The following AGBL4 variants were observed in gnomAD, a reference collection of about 807,000 sequenced individuals.
The protein encoded by AGBL4 is cytosolic carboxypeptidase 6.
Under a neutral mutation model 66.4 loss-of-function variants are expected in AGBL4, and 58 were observed. The observed-to-expected ratio is 0.87, with a 90% CI of 0.71 to 1.09. AGBL4 has a LOEUF of 1.09. Among genes scored for constraint, AGBL4 ranks in the 50% least tolerant of loss-of-function variants. The pLI, the probability that AGBL4 is intolerant of heterozygous loss-of-function variation, is 0.00. For missense variants in AGBL4, 579 were observed against 631.0 expected (o/e 0.92, Z 0.88); for synonymous variants, 234 against 222.9 (o/e 1.05, Z -0.44).
intron 4 of AGBL4, among the ~76,000 whole-genome samples, chr1:49,161,458 T>A (rs534547232): frequency 6.6e-6 from 1 of 152,198 alleles, no homozygotes; most frequent in Admixed American, 6.5e-5. Flanking sequence ...TCTGCATCAA[T>A]CTCACTGGGA....
chr1:49,753,843 C>A (rs529111231), intron 2 of AGBL4, among the ~76,000 whole-genome samples: 1 of 152,282 alleles, frequency 6.6e-6, no homozygotes, highest in South Asian at 2.1e-4. Flanking sequence ...GATATCCTTT[C>A]TTCCACTTCA....
chr1:50,005,273 C>T (rs1661044350), intron 1 of AGBL4, among the ~76,000 whole-genome samples: 1 of 152,158 alleles, frequency 6.6e-6, no homozygotes. Flanking sequence ...CCTCCCTCAG[C>T]TCCAGGCATC....
At chr1:49,823,986 G>C (rs942661778) in intron 2 of AGBL4, among the ~76,000 whole-genome samples, 1 of 152,090 alleles carries the variant, frequency 6.6e-6, no homozygotes, top group African/African-American at 2.4e-5. Context: ...CGAGTTGGGT[G>C]GATCACCTGA....
chr1:49,478,449 G>A (rs1646888977), intron 3 of AGBL4, among the ~76,000 whole-genome samples: 1 of 151,962 alleles, frequency 6.6e-6, no homozygotes, highest in Admixed American at 6.6e-5. Context: ...CATATTTAAT[G>A]CTCTGAGGGA....
chr1:49,984,204 A>G (rs1233614910), intron 1 of AGBL4, among the ~76,000 whole-genome samples: 1 of 152,226 alleles, frequency 6.6e-6, no homozygotes. Flanking sequence ...TAAAACAATT[A>G]CAGCTCATCC....
At chr1:49,557,387 GA>G (rs1335823755) in intron 3 of AGBL4, among the ~76,000 whole-genome samples, 1 of 152,096 alleles carries the variant, frequency 6.6e-6, no homozygotes, top group Non-Finnish European at 1.5e-5. Context: ...TGAAGAAATA[GA>G]AAAAATAGTC....
intron 3 of AGBL4, among the ~76,000 whole-genome samples, chr1:49,695,224 T>A (rs1189456422): frequency 6.6e-6 from 1 of 152,124 alleles, no homozygotes; most frequent in African/African-American, 2.4e-5. Context: ...TTCCTTCATA[T>A]GAATTGACTA....
intron 4 of AGBL4, among the ~76,000 whole-genome samples, chr1:49,136,687 G>A (rs540330317): frequency 6.6e-6 from 1 of 152,190 alleles, no homozygotes; most frequent in African/African-American, 2.4e-5. Flanking sequence ...GAATTTGGCT[G>A]TTATGACAAA....
chr1:49,846,114 T>C, intron 2 of AGBL4: 4 of 1,505,906 alleles, frequency 2.7e-6, no homozygotes, highest in Admixed American at 1.7e-5. Context: ...CAGAGCTCCC[T>C]TCTCATCAAA....
At chr1:49,425,304 GC>G (rs1012130717) in intron 3 of AGBL4, among the ~76,000 whole-genome samples, 1 of 152,000 alleles carries the variant, frequency 6.6e-6, no homozygotes, top group African/African-American at 2.4e-5. Flanking sequence ...GACCAAATTG[GC>G]TTTTTATTCT....
intron 11 of AGBL4, among the ~76,000 whole-genome samples, chr1:48,554,054 C>G (rs562515336): frequency 6.6e-6 from 1 of 152,298 alleles, no homozygotes; most frequent in East Asian, 1.9e-4. Flanking sequence ...CAGCTGAAGT[C>G]TGGGCCATTC....
At chr1:49,738,707 C>A (rs1650126787) in intron 2 of AGBL4, among the ~76,000 whole-genome samples, 1 of 152,220 alleles carries the variant, frequency 6.6e-6, no homozygotes, top group South Asian at 2.1e-4. Context: ...TGAGACAAAA[C>A]TTCCAGAGGA....
At chr1:49,919,825 C>G (rs1462696508) in intron 1 of AGBL4, among the ~76,000 whole-genome samples, 7 of 152,332 alleles carry the variant, frequency 4.6e-5, no homozygotes, top group African/African-American at 1.7e-4. Context: ...ATCACGCTAC[C>G]TGACTTCAAA....
chr1:49,198,090 G>C (rs899358994), intron 4 of AGBL4, among the ~76,000 whole-genome samples: 1 of 151,974 alleles, frequency 6.6e-6, no homozygotes, highest in African/African-American at 2.4e-5. Context: ...CCAGGGATTG[G>C]GAGGGTCAAG....
At chr1:48,670,658 G>A (rs1646262315) in intron 6 of AGBL4, among the ~76,000 whole-genome samples, 1 of 152,220 alleles carries the variant, frequency 6.6e-6, no homozygotes, top group East Asian at 1.9e-4. Context: ...AGGCCTGGGA[G>A]CAGGTAGGCA....
intron 5 of AGBL4, among the ~76,000 whole-genome samples, chr1:48,969,546 G>T (rs1385709260): frequency 6.6e-6 from 1 of 151,686 alleles, no homozygotes; most frequent in Non-Finnish European, 1.5e-5. Flanking sequence ...CCATGAAATA[G>T]CTTGGAAAAG....
chr1:49,624,220 C>G (rs1645424049), intron 3 of AGBL4, among the ~76,000 whole-genome samples: 1 of 151,864 alleles, frequency 6.6e-6, no homozygotes. Flanking sequence ...AAAACAACAC[C>G]CCTTTATAAG....
At chr1:49,229,125 A>G (rs763991151) in intron 4 of AGBL4, among the ~76,000 whole-genome samples, 1 of 152,112 alleles carries the variant, frequency 6.6e-6, no homozygotes, top group Non-Finnish European at 1.5e-5. Flanking sequence ...TTCAAGACTC[A>G]ACTCAAAGGC....
rs150875017 is a variant in AGBL4, at chr1:48,816,091, G to A, written c.634+51100C>T. 8.9e-3 allele frequency among the ~76,000 whole-genome samples: 989 copies of A among 110,728 alleles called. 5 individuals are homozygous for A. Among genetic ancestry groups the A allele is most frequent in the Admixed American group, 0.016 (152 of 9,398 alleles). The allele number at this position is 110,728 out of a possible 152,430, so 72.6% of individuals were successfully genotyped here. On this transcript the variant is annotated intron_variant, in intron 6 of 13. Coordinates refer to ENST00000371839, the MANE Select transcript of AGBL4 (RefSeq NM_032785.4). ...TGTGTGTGTGTGTGTGTGTGTGTGTGTAGAGAGAAAGAGAGAGAGACAGAC... is the reference window on the plus strand; with the variant it reads ...TGTGTGTGTGTGTGTGTGTGTGTGTATAGAGAGAAAGAGAGAGAGACAGAC...
Sources: allele counts gnomAD v4.1 joint callset (sites outside exome capture counted in the v4.1 genomes callset), GRCh38; gene constraint gnomAD v4.1.1; transcripts MANE v1.5; gene names NCBI Gene and HGNC (gene_info 2026-07-23, HGNC 2026-07-21).